The following TMEM132B variants were observed in gnomAD, a reference collection of about 807,000 sequenced individuals.
TMEM132B encodes transmembrane protein 132B.
Under a neutral mutation model 90.8 loss-of-function variants are expected in TMEM132B, and 18 were observed. That is an observed-to-expected ratio of 0.20 (90% CI 0.14 to 0.29). The LOEUF is 0.29. Among genes scored for constraint, TMEM132B ranks in the 10% least tolerant of loss-of-function variants. The pLI is 1.00. For missense variants in TMEM132B, 1,096 were observed against 1,326.8 expected (o/e 0.83, Z 2.70); for synonymous variants, 504 against 523.3 (o/e 0.96, Z 0.50).
chr12:125,257,060 C>A (rs1448264121), intron 1 of TMEM132B, among the ~76,000 whole-genome samples: 1 of 152,114 alleles, frequency 6.6e-6, no homozygotes, highest in African/African-American at 2.4e-5. Flanking sequence ...TGCCTGTAAT[C>A]CCAACACTTT....
In TMEM132B at chr12:125,661,664, A is replaced by C. The variant is rs1887208725; in HGVS notation, c.*6954A>C. 6.6e-6 allele frequency: 1 copy of C among 152,222 alleles called. No individual in the cohort carries two copies. The highest frequency in any genetic ancestry group is 6.5e-5 in the Admixed American group (1 of 15,276). 9.4% of individuals were successfully genotyped at this position (152,222 alleles called of 1,614,324 possible). ...AAACCAATTGTCCAACCTCCATTAC[A>C]GGGGTCTTCTAGGTATTCCCCACAC... On this transcript the variant is annotated 3_prime_UTR_variant, in exon 9 of 9. Transcript: ENST00000682704.
At chr12:125,571,593 T>G (rs1163136365) in intron 4 of TMEM132B, among the ~76,000 whole-genome samples, 2 of 152,236 alleles carry the variant, frequency 1.3e-5, no homozygotes, top group African/African-American at 4.8e-5. Flanking sequence ...ATGCATTTAT[T>G]TATTGATTCA....
At chr12:125,519,717 A>G in intron 4 of TMEM132B, 92 bp downstream of exon 4, 1 of 1,316,120 alleles carries the variant, frequency 7.6e-7, no homozygotes, top group Admixed American at 2.1e-5. Context: ...CACATACCTG[A>G]TACACTGTTT....
At chr12:125,644,820 T>A (rs1189347296) in intron 6 of TMEM132B, among the ~76,000 whole-genome samples, 1 of 152,176 alleles carries the variant, frequency 6.6e-6, no homozygotes, top group African/African-American at 2.4e-5. Context: ...CTGTGTGACA[T>A]TGGACATGTG....
chr12:125,485,823 C>T (rs1288784574), intron 3 of TMEM132B, among the ~76,000 whole-genome samples: 2 of 152,316 alleles, frequency 1.3e-5, no homozygotes, highest in African/African-American at 4.8e-5. Context: ...TTATTCTGCT[C>T]ACTAGAAATG....
rs764554185 is a variant in TMEM132B at position 125,650,946 on chromosome 12, C to T, written c.1907C>T (p.Thr636Met). The change falls in exon 7 of 9, where the codon ACG (threonine) becomes ATG (methionine). Residue 636 changes from threonine (T) to methionine (M), a missense_variant. Coordinates refer to ENST00000682704, the MANE Select transcript of TMEM132B (RefSeq NM_001366854.1). ...GCTGGTCGGGAGCCGGGAATAACCACGGTGCAGGTACACGCCGCCATGCCT... is the reference window on the plus strand; with the variant it reads ...GCTGGTCGGGAGCCGGGAATAACCATGGTGCAGGTACACGCCGCCATGCCT... ...TLAGREPGIT[T>M]VQVLSPLSDS... 22 of 1,612,168 alleles carry T rather than the reference C, an allele frequency of 1.4e-5. No homozygotes were observed. The highest frequency in any genetic ancestry group is 4.5e-5 in the East Asian group (2 of 44,888).
chr12:125,449,211 C>G (rs1881086283), intron 3 of TMEM132B, among the ~76,000 whole-genome samples: 1 of 152,116 alleles, frequency 6.6e-6, no homozygotes, highest in Non-Finnish European at 1.5e-5. Context: ...TGGTGATCTG[C>G]CTGCCTCGGC....
intron 5 of TMEM132B, among the ~76,000 whole-genome samples, chr12:125,622,003 A>ATC (rs1886124824): frequency 6.6e-6 from 1 of 152,186 alleles, no homozygotes; most frequent in Non-Finnish European, 1.5e-5. Context: ...AAGAATCAGG[A>ATC]TCTCTCTGAA....
chr12:125,233,725 A>G (rs1436124702), intron 1 of TMEM132B, among the ~76,000 whole-genome samples: 6 of 152,192 alleles, frequency 3.9e-5, no homozygotes, highest in African/African-American at 1.2e-4. Context: ...CTTTTCCACT[A>G]GTAGGCTTGG....
intron 1 of TMEM132B, among the ~76,000 whole-genome samples, chr12:125,308,988 C>A (rs1360210075): frequency 2.0e-5 from 3 of 152,058 alleles, no homozygotes; most frequent in Non-Finnish European, 4.4e-5. Context: ...TTTCAGCCAA[C>A]AATATATTCT....
intron 8 of TMEM132B, 151 bp from the exon 9 acceptor site, chr12:125,653,414 C>CAGTT: frequency 2.5e-6 from 2 of 812,346 alleles, no homozygotes. Flanking sequence ...CCGGTTCAAC[C>CAGTT]AGTTCAAGGC....
In TMEM132B at chr12:125,349,727, A is replaced by G. The variant is rs753004201; in HGVS notation, c.343A>G (p.Asn115Asp). Reference sequence around the variant, plus strand: ...CCTGTTGACATCTACAGCCTTTGGAAACATGGACAAATTTCCCTTCAACTG... The same window carrying G: ...CCTGTTGACATCTACAGCCTTTGGAGACATGGACAAATTTCCCTTCAACTG... ...ELLLTSTAFG[N>D]MDKFPFNWKL... The change falls in exon 2 of 9, where the codon AAC becomes GAC. Residue 115 changes from asparagine (N) to aspartate (D), a missense_variant. Transcript: ENST00000682704. This position sits in a 1 kb window ranked among gnomAD's most constrained non-coding sequence, Gnocchi z 4.1. 5.6e-6 allele frequency: 9 copies of G among 1,614,202 alleles called. No individual in the cohort carries two copies. The highest frequency in any genetic ancestry group is 7.6e-6 in the Non-Finnish European group (9 of 1,180,038).
chr12:125,515,243 T>G (rs1169061364), intron 3 of TMEM132B, among the ~76,000 whole-genome samples: 1 of 144,468 alleles, frequency 6.9e-6, no homozygotes, highest in Non-Finnish European at 1.5e-5. Context: ...CACACATGCA[T>G]TCTCACACAC....
chr12:125,622,480 G>A (rs1437432431), intron 5 of TMEM132B: 2 of 985,266 alleles, frequency 2.0e-6, no homozygotes, highest in Non-Finnish European at 2.4e-6. Flanking sequence ...AACCTTTCCT[G>A]TGCTGGAAAG....
intron 5 of TMEM132B, among the ~76,000 whole-genome samples, chr12:125,593,490 T>G (rs1373541508): frequency 2.0e-5 from 3 of 152,210 alleles, no homozygotes; most frequent in African/African-American, 4.8e-5. Context: ...TCTAGAAGCC[T>G]TCCATCTAGT....
At chr12:125,624,761 C>A (rs1886190354) in intron 5 of TMEM132B, among the ~76,000 whole-genome samples, 1 of 152,140 alleles carries the variant, frequency 6.6e-6, no homozygotes, top group African/African-American at 2.4e-5. Context: ...TTGTCTTCAG[C>A]CATATCTGGT....
intron 2 of TMEM132B, among the ~76,000 whole-genome samples, chr12:125,383,250 CTGAAGCTGGAGTTATTCA>C (rs1878735748): frequency 6.6e-6 from 1 of 152,230 alleles, no homozygotes; most frequent in South Asian, 2.1e-4. Flanking sequence ...CCAGTCATCT[CTGAAGCTGGAGTTATTCA>C]TGGACCACCT....
At chr12:125,316,434 C>T (rs1017352798) in intron 1 of TMEM132B, among the ~76,000 whole-genome samples, 1 of 152,180 alleles carries the variant, frequency 6.6e-6, no homozygotes, top group African/African-American at 2.4e-5. Flanking sequence ...CTTGCTTTTC[C>T]TCAATACATC....
chr12:125,540,763 A>G (rs1307956281), intron 4 of TMEM132B, among the ~76,000 whole-genome samples: 8 of 152,224 alleles, frequency 5.3e-5, no homozygotes, highest in Non-Finnish European at 1.2e-4. Flanking sequence ...CTCTCCACGC[A>G]GCAGCCAGAC....
Sources: allele counts gnomAD v4.1 joint callset (sites outside exome capture counted in the v4.1 genomes callset), GRCh38; gene constraint gnomAD v4.1.1; non-coding constraint Gnocchi (gnomAD v3.1); transcripts MANE v1.5; gene names NCBI Gene and HGNC (gene_info 2026-07-23, HGNC 2026-07-21).